Variants in PRH1 observed in about 807,000 individuals in gnomAD.
The protein encoded by PRH1 is salivary acidic proline-rich phosphoprotein 1/2.
Under a neutral mutation model 7.9 loss-of-function variants are expected in PRH1, and 7 were observed. The observed-to-expected ratio is 0.89, with a 90% CI of 0.50 to 1.67. PRH1 has a LOEUF of 1.67. Among genes scored for constraint, PRH1 ranks in the 40% most tolerant of loss-of-function variants. PRH1 has a pLI of 0.00. For missense variants in PRH1, 109 were observed against 223.6 expected (o/e 0.49, Z 3.27); for synonymous variants, 45 against 80.8 (o/e 0.56, Z 2.38).
At chr12:10,929,049 A>T (rs1950163333) in intron 2 of PRH1, among the ~76,000 whole-genome samples, 1 of 152,218 alleles carries the variant, frequency 6.6e-6, no homozygotes, top group Non-Finnish European at 1.5e-5. Flanking sequence ...TTTAGAAATT[A>T]GCCACAAACA....
intron 1 of PRH1, among the ~76,000 whole-genome samples, chr12:11,002,489 A>G (rs541133307): frequency 1.3e-5 from 2 of 152,190 alleles, no homozygotes; most frequent in East Asian, 3.9e-4. Flanking sequence ...GTGCCCTACA[A>G]CAAAGAGTAT....
chr12:11,015,663 T>C (rs193233489), intron 1 of PRH1, among the ~76,000 whole-genome samples: 1 of 152,320 alleles, frequency 6.6e-6, no homozygotes, highest in East Asian at 1.9e-4. Flanking sequence ...TGTGTGTGTG[T>C]TATTTGCATT....
At chr12:10,971,629 T>C (rs1938819351) in intron 2 of PRH1, among the ~76,000 whole-genome samples, 1 of 152,180 alleles carries the variant, frequency 6.6e-6, no homozygotes, top group South Asian at 2.1e-4. Context: ...TGCTCCTTCA[T>C]CTTCATCAGA....
At chr12:10,909,100 A>G in intron 2 of PRH1, 3 of 1,613,670 alleles carry the variant, frequency 1.9e-6, no homozygotes, top group Non-Finnish European at 2.5e-6. Context: ...AGAGCTAAAA[A>G]CCAACTTACT....
At chr12:11,061,761 C>T (rs73260771) in intron 1 of PRH1, 360,111 of 1,580,290 alleles carry the variant, frequency 0.23, 30,849 homozygotes, top group Non-Finnish European at 0.26. Flanking sequence ...GGATGGTTAC[C>T]GTTGTATTTG....
intron 1 of PRH1, among the ~76,000 whole-genome samples, chr12:10,999,236 G>A (rs1212799672): frequency 6.6e-6 from 1 of 152,126 alleles, no homozygotes; most frequent in Non-Finnish European, 1.5e-5. Flanking sequence ...CGCCCTTGTT[G>A]TGTCAGAAAT....
At chr12:11,100,095 T>G (rs189254293) in intron 1 of PRH1, among the ~76,000 whole-genome samples, 1 of 152,148 alleles carries the variant, frequency 6.6e-6, no homozygotes, top group African/African-American at 2.4e-5. Flanking sequence ...AGATGAGTAA[T>G]AATAATTTCT....
chr12:11,018,079 C>T (rs903985253), intron 1 of PRH1, among the ~76,000 whole-genome samples: 3 of 147,658 alleles, frequency 2.0e-5, no homozygotes, highest in African/African-American at 4.9e-5. Context: ...CCAACCTGCT[C>T]GGCCCATTGT....
Position 10,957,861 on chromosome 12 carries a change from A to T in PRH1, c.-59+15794T>A, listed in dbSNP as rs1244117838. 2.0e-5 allele frequency among the ~76,000 whole-genome samples: 3 copies of T among 152,180 alleles called. No homozygotes were observed. In the East Asian group the frequency reaches 5.8e-4, roughly 29 times the overall value. The stretch of plus-strand genomic sequence containing the variant: ...AAATGTGATTCAAAACCACAATGAG[A>T]TACTATCTCATACCAGTCAGAATAG... On this transcript the variant is annotated intron_variant, in intron 2 of 3. Coordinates refer to the PRH1 transcript ENST00000539853.
intron 1 of PRH1, among the ~76,000 whole-genome samples, chr12:11,094,772 A>G (rs1945037321): frequency 1.7e-5 from 2 of 115,606 alleles, no homozygotes; most frequent in African/African-American, 5.8e-5. Context: ...ATGAACCAAT[A>G]CAAAACTGGG....
chr12:11,118,284 C>A (rs1472255810), downstream of PRH1, among the ~76,000 whole-genome samples: 1 of 152,078 alleles, frequency 6.6e-6, no homozygotes, highest in African/African-American at 2.4e-5. Context: ...TTTCTCAAAA[C>A]AAGATATACG....
chr12:11,090,304 A>G (rs371601346), intron 1 of PRH1, among the ~76,000 whole-genome samples: 1 of 115,730 alleles, frequency 8.6e-6, no homozygotes, highest in East Asian at 2.1e-4. Context: ...CTATATTTAC[A>G]TTGATTTTAT....
chr12:10,881,926 A>C (rs1949407006), intron 3 of PRH1, among the ~76,000 whole-genome samples: 2 of 152,296 alleles, frequency 1.3e-5, no homozygotes, highest in South Asian at 4.1e-4. Flanking sequence ...AGGAAAGAAA[A>C]TAGAGAGAGC....
chr12:11,042,620 A>ATTTTTTTTTTTTTTTTTT (rs1337131350), intron 1 of PRH1, among the ~76,000 whole-genome samples: 1 of 92,916 alleles, frequency 1.1e-5, no homozygotes, highest in Non-Finnish European at 2.1e-5. Context: ...TTCCAGGCTC[A>ATTTTTTTTTTTTTTTTTT]TTCTTTTTTT....
intron 1 of PRH1, among the ~76,000 whole-genome samples, chr12:11,136,910 A>G (rs1457121845): frequency 1.3e-5 from 2 of 152,198 alleles, no homozygotes; most frequent in African/African-American, 2.4e-5. Flanking sequence ...TTCTTTAAAA[A>G]GGAGTTTTTA....
chr12:11,008,760 T>C (rs1249771384), intron 1 of PRH1, among the ~76,000 whole-genome samples: 3 of 149,666 alleles, frequency 2.0e-5, no homozygotes, highest in Non-Finnish European at 3.0e-5. Context: ...TTACTATAAT[T>C]ATCTATCCTT....
At chr12:11,004,553 T>C (rs2136026846) in intron 1 of PRH1, among the ~76,000 whole-genome samples, 1 of 152,192 alleles carries the variant, frequency 6.6e-6, no homozygotes, top group African/African-American at 2.4e-5. Flanking sequence ...CCTTTTTCTA[T>C]TATAATTCAG....
intron 1 of PRH1, among the ~76,000 whole-genome samples, chr12:11,019,859 T>C (rs1302742729): frequency 6.6e-6 from 1 of 152,420 alleles, no homozygotes; most frequent in South Asian, 2.1e-4. Context: ...GGAAGTTCCC[T>C]AACATTCTTG....
intron 1 of PRH1, chr12:11,061,277 A>T: frequency 6.6e-7 from 1 of 1,516,506 alleles, no homozygotes; most frequent in South Asian, 1.4e-5. Context: ...ATATACATAC[A>T]TTACAGAAAA....
Sources: allele counts gnomAD v4.1 joint callset (sites outside exome capture counted in the v4.1 genomes callset), GRCh38; gene constraint gnomAD v4.1.1; transcripts MANE v1.5; gene names NCBI Gene and HGNC (gene_info 2026-07-23, HGNC 2026-07-21).